Variants in SPTBN4 observed in about 807,000 individuals in gnomAD.
SPTBN4 encodes spectrin beta chain, non-erythrocytic 4.
A neutral mutation model predicts 277.8 loss-of-function variants in SPTBN4; 96 were observed. The ratio of observed to expected loss-of-function variants is 0.35; its 90% CI spans 0.29 to 0.41. The LOEUF is 0.41. SPTBN4 is among the 10% of genes least tolerant of loss of function. The pLI is 1.00. For synonymous variants in SPTBN4, 1,481 were observed against 1,580.3 expected (o/e 0.94, Z 1.49); for missense variants, 3,006 against 3,595.7 (o/e 0.84, Z 4.19).
chr19:40,545,863 A>G (rs2080853077), intron 20 of SPTBN4, among the ~76,000 whole-genome samples: 1 of 152,048 alleles, frequency 6.6e-6, no homozygotes. Flanking sequence ...AACATGGTGA[A>G]ACCCCATCTC....
At chr19:40,569,966 A>ACT (rs1380007435) in intron 32 of SPTBN4, among the ~76,000 whole-genome samples, 2 of 146,950 alleles carry the variant, frequency 1.4e-5, no homozygotes, top group African/African-American at 5.1e-5. Flanking sequence ...ACACACACAC[A>ACT]CACACACAGA....
At chr19:40,544,292 G>A (rs191039320) in intron 20 of SPTBN4, among the ~76,000 whole-genome samples, 76 of 151,558 alleles carry the variant, frequency 5.0e-4, no homozygotes, top group African/African-American at 1.8e-3. Context: ...ACAGGCGCCT[G>A]CCACAATGCC....
chr19:40,486,799 C>G (rs1293348351), intron 2 of SPTBN4, among the ~76,000 whole-genome samples: 1 of 152,184 alleles, frequency 6.6e-6, no homozygotes, highest in Non-Finnish European at 1.5e-5. Flanking sequence ...CCTCTCTGAA[C>G]TGAGCTCTGT....
At chr19:40,530,259 G>T (rs1337439702) in intron 18 of SPTBN4, among the ~76,000 whole-genome samples, 1 of 152,072 alleles carries the variant, frequency 6.6e-6, no homozygotes, top group Non-Finnish European at 1.5e-5. Context: ...CCCGGCATTA[G>T]ATTTGGTCCA....
chr19:40,477,546 GGGGCTGTTGACAGAAA>G (rs1253886657), intron 2 of SPTBN4, among the ~76,000 whole-genome samples: 1 of 152,134 alleles, frequency 6.6e-6, no homozygotes, highest in Admixed American at 6.6e-5. Flanking sequence ...CAGAGAGGTT[GGGGCTGTTGACAGAAA>G]GGCACAAGCA....
chr19:40,490,461 C>T lies in SPTBN4; in HGVS notation c.495+213C>T, dbSNP rs565105429. Among the ~76,000 whole-genome samples, 1 of 152,264 alleles carries T rather than the reference C, an allele frequency of 6.6e-6. No homozygotes were observed. Among genetic ancestry groups the T allele is most frequent in the East Asian group, 1.9e-4 (1 of 5,178 alleles). ...TATCGACCCTGTTCCAAACACTGTTCTAAGCACTTGACATTTAATACACAC... is the reference window on the plus strand; with the variant it reads ...TATCGACCCTGTTCCAAACACTGTTTTAAGCACTTGACATTTAATACACAC... On this transcript the variant is annotated intron_variant, in intron 4 of 35. Transcript: ENST00000598249. The surrounding 1 kb of genome is among the most constrained non-coding windows in gnomAD (Gnocchi z 4.3).
At position 40,560,461 on chromosome 19, in the gene SPTBN4, C is replaced by T. The variant is rs1416939552; in HGVS notation, c.5915+58C>T. On this transcript the variant is annotated intron_variant, in intron 27 of 35. Transcript: ENST00000598249. The surrounding 1 kb of genome is among the most constrained non-coding windows in gnomAD (Gnocchi z 5.2). ...CCCCCTGGTGGCCTACCCCAGCCACCCCCAGCCCATTGACAGCCCCCTTCT... is the reference window on the plus strand; with the variant it reads ...CCCCCTGGTGGCCTACCCCAGCCACTCCCAGCCCATTGACAGCCCCCTTCT... 1 of 1,610,658 alleles carries T rather than the reference C, an allele frequency of 6.2e-7. No homozygotes were observed. The highest frequency in any genetic ancestry group is 8.5e-7 in the Non-Finnish European group (1 of 1,177,842).
At chr19:40,562,111 G>A (rs1267125104) in intron 27 of SPTBN4, among the ~76,000 whole-genome samples, 1 of 152,114 alleles carries the variant, frequency 6.6e-6, no homozygotes, top group Non-Finnish European at 1.5e-5. Flanking sequence ...AGGGTGAGAG[G>A]AAGTGAGTAC....
chr19:40,546,257 A>G (rs2080859267), intron 20 of SPTBN4, among the ~76,000 whole-genome samples: 4 of 151,838 alleles, frequency 2.6e-5, no homozygotes, highest in Admixed American at 6.6e-5. Flanking sequence ...AAAGAAAGAA[A>G]AGAAAAAAGA....
At chr19:40,559,775 A>C in intron 26 of SPTBN4, among the ~76,000 whole-genome samples, 1 of 152,018 alleles carries the variant, frequency 6.6e-6, no homozygotes, top group Middle Eastern at 3.4e-3. Flanking sequence ...CTGGGCTACT[A>C]TGAAGGAGTG....
rs2081089708 is a variant in SPTBN4, at chr19:40,566,144, C to G, written c.6140-19C>G. On this transcript the variant is annotated intron_variant, in intron 29 of 35. Transcript: ENST00000598249. ...GCCCCAGATGCCCCAGAATCCTTAC[C>G]CTGCATGCCCCTCCTCAGTGCTGGA... 2 of 1,476,258 alleles carry G rather than the reference C, an allele frequency of 1.4e-6. No individual in the cohort carries two copies. Among genetic ancestry groups the G allele is most frequent in the Non-Finnish European group, 9.0e-7 (1 of 1,108,558 alleles). The allele number at this position is 1,476,258 out of a possible 1,614,324, so 91.4% of individuals were successfully genotyped here.
chr19:40,539,614 G>A (rs1420765221), intron 20 of SPTBN4, among the ~76,000 whole-genome samples: 5 of 151,946 alleles, frequency 3.3e-5, no homozygotes, highest in Non-Finnish European at 5.9e-5. Flanking sequence ...TGAGTAGCTG[G>A]GATTACAGGC....
intron 4 of SPTBN4, among the ~76,000 whole-genome samples, chr19:40,492,259 A>G (rs530321127): frequency 6.6e-6 from 1 of 151,924 alleles, no homozygotes; most frequent in African/African-American, 2.4e-5. Flanking sequence ...TGGCCTGGGG[A>G]CTAGAGGATG....
rs2081146272 is a variant in SPTBN4, at chr19:40,570,642, T to TCCGCCA, written c.7239_7244dup (p.Pro2414_Pro2415dup). 3.3e-6 allele frequency: 5 copies of TCCGCCA among 1,509,094 alleles called. No homozygotes were observed. Among genetic ancestry groups the TCCGCCA allele is most frequent in the Non-Finnish European group, 3.5e-6 (4 of 1,131,264 alleles). 93.5% of individuals were successfully genotyped at this position (1,509,094 alleles called of 1,614,324 possible). Reference sequence around the variant, plus strand: ...CCCAGGGCGGCTCCGCCCCCGCGCCTCCGCCACCGCCCACTCACACAGTGC... The same window carrying TCCGCCA: ...CCCAGGGCGGCTCCGCCCCCGCGCCTCCGCCACCGCCACCGCCCACTCACACAGTGC... On this transcript the variant is annotated inframe_insertion, in exon 33 of 36. Coordinates refer to ENST00000598249, the MANE Select transcript of SPTBN4 (RefSeq NM_020971.3).
At chr19:40,514,429 C>T (rs967928318) in intron 14 of SPTBN4, among the ~76,000 whole-genome samples, 1 of 152,086 alleles carries the variant, frequency 6.6e-6, no homozygotes, top group Admixed American at 6.5e-5. Context: ...GGCTGGGGAC[C>T]CAGATGGAGC....
rs747482353 is a variant in SPTBN4 at position 40,515,020 on chromosome 19, G to T, written c.2766-291G>T. ...CATGGGAGGCTGAGACATGAGAATC[G>T]CTTGAATCCGGGAGGCAGAGGTTGC... On this transcript the variant is annotated intron_variant, in intron 14 of 35. Coordinates refer to ENST00000598249, the MANE Select transcript of SPTBN4 (RefSeq NM_020971.3). This position sits in a 1 kb window ranked among gnomAD's most constrained non-coding sequence, Gnocchi z 4.1. Among the ~76,000 whole-genome samples, 1 of 152,132 alleles carries T rather than the reference G, an allele frequency of 6.6e-6. No individual in the cohort carries two copies. The highest frequency in any genetic ancestry group is 2.4e-5 in the African/African-American group (1 of 41,420).
chr19:40,545,073 TA>T (rs2080844382), intron 20 of SPTBN4, among the ~76,000 whole-genome samples: 1 of 151,682 alleles, frequency 6.6e-6, no homozygotes, highest in Non-Finnish European at 1.5e-5. Context: ...TTTTTTTTCT[TA>T]AAAAAATTTT....
chr19:40,498,451 G>A (rs1467658812), intron 7 of SPTBN4, among the ~76,000 whole-genome samples: 1 of 151,092 alleles, frequency 6.6e-6, no homozygotes, highest in Non-Finnish European at 1.5e-5. Flanking sequence ...TGTCGCCCAG[G>A]CTGGAGTGCA....
In SPTBN4 at chr19:40,512,947, C is replaced by T. The variant is rs759250526; in HGVS notation, c.2158C>T (p.Arg720Trp). 5 of 1,417,992 alleles carry T rather than the reference C, an allele frequency of 3.5e-6. No homozygotes were observed. Among genetic ancestry groups the T allele is most frequent in the South Asian group, 3.0e-5 (2 of 67,760 alleles). The allele number at this position is 1,417,992 out of a possible 1,614,324, so 87.8% of individuals were successfully genotyped here. A position where few individuals can be genotyped will look rare whatever the true frequency, so the allele number is the denominator to read the frequency against. Residue 720 changes from arginine to tryptophan, a missense_variant, in exon 14 of 36, where the codon CGG (arginine) becomes TGG (tryptophan). Coordinates refer to ENST00000598249, the MANE Select transcript of SPTBN4 (RefSeq NM_020971.3). ...GCGAGCGTTGCTGCAGCAGGCCCTG[C>T]GGTGTGGCGAGGAGCTGGTTGCGGC... The part of the protein sequence containing the change: ...GRRALLQQAL[R>W]CGEELVAAGG...
Sources: allele counts gnomAD v4.1 joint callset (sites outside exome capture counted in the v4.1 genomes callset), GRCh38; gene constraint gnomAD v4.1.1; non-coding constraint Gnocchi (gnomAD v3.1); transcripts MANE v1.5; gene names NCBI Gene and HGNC (gene_info 2026-07-23, HGNC 2026-07-21).